The following FHIT variants were observed in gnomAD, a reference collection of about 807,000 sequenced individuals.
FHIT encodes bis(5'-adenosyl)-triphosphatase.
A neutral mutation model predicts 17.9 loss-of-function variants in FHIT; 19 were observed. The observed-to-expected ratio is 1.06, with a 90% CI of 0.74 to 1.56. FHIT has a LOEUF of 1.56. Among genes scored for constraint, FHIT ranks in the 40% most tolerant of loss-of-function variants. FHIT has a pLI of 0.00. For synonymous variants in FHIT, 81 were observed against 69.7 expected (o/e 1.16, Z -0.81); for missense variants, 248 against 189.2 (o/e 1.31, Z -1.82).
intron 7 of FHIT, among the ~76,000 whole-genome samples, chr3:59,942,927 G>T (rs1403094038): frequency 6.6e-6 from 1 of 152,116 alleles, no homozygotes; most frequent in East Asian, 1.9e-4. Flanking sequence ...GGGATTACAA[G>T]CATGACCCAC....
chr3:60,403,040 G>A (rs1701723440), intron 5 of FHIT, among the ~76,000 whole-genome samples: 1 of 152,176 alleles, frequency 6.6e-6, no homozygotes, highest in Non-Finnish European at 1.5e-5. Context: ...CTGGTTCTCT[G>A]CTTTAGCATA....
At chr3:61,233,991 G>A (rs138089145) in intron 1 of FHIT, among the ~76,000 whole-genome samples, 1 of 152,224 alleles carries the variant, frequency 6.6e-6, no homozygotes, top group Non-Finnish European at 1.5e-5. Context: ...GCAGCTGAAA[G>A]CATTTGAAGC....
intron 5 of FHIT, among the ~76,000 whole-genome samples, chr3:60,195,317 A>G (rs1212688008): frequency 1.3e-5 from 2 of 151,982 alleles, no homozygotes; most frequent in African/African-American, 2.4e-5. Context: ...GTGGAAATGA[A>G]ATTAGTACAA....
intron 5 of FHIT, among the ~76,000 whole-genome samples, chr3:60,153,464 C>T (rs1700555977): frequency 1.3e-5 from 2 of 151,786 alleles, no homozygotes; most frequent in Non-Finnish European, 2.9e-5. Flanking sequence ...ACCAAAGTGC[C>T]AGTCATTACA....
intron 3 of FHIT, among the ~76,000 whole-genome samples, chr3:61,012,638 G>C (rs2031859227): frequency 6.6e-6 from 1 of 151,526 alleles, no homozygotes; most frequent in East Asian, 1.9e-4. Flanking sequence ...AAAAAGCCCT[G>C]ACAATCTCAT....
rs185545068 is a variant in FHIT, at chr3:60,161,045, C to A, written c.104-146893G>T. Among the ~76,000 whole-genome samples, 6 of 152,202 alleles carry A rather than the reference C, an allele frequency of 3.9e-5. No homozygotes were observed. The East Asian group carries it at 1.2e-3, about 29-fold the overall frequency. On this transcript the variant is annotated intron_variant, in intron 5 of 9. Transcript: ENST00000492590. ...TTCTTGTAATAGCAAAAAGATATGA[C>A]GGAGTTTCTGGCCACTTAAAATCTG... is the stretch of plus-strand genomic sequence containing the variant.
At chr3:60,031,346 G>C (rs2106786432) in intron 5 of FHIT, among the ~76,000 whole-genome samples, 1 of 152,320 alleles carries the variant, frequency 6.6e-6, no homozygotes, top group Non-Finnish European at 1.5e-5. Context: ...AAAGAGAAAT[G>C]AGGAAACAAG....
At chr3:60,533,274 G>T (rs1463608042) in intron 5 of FHIT, among the ~76,000 whole-genome samples, 1 of 152,184 alleles carries the variant, frequency 6.6e-6, no homozygotes, top group Non-Finnish European at 1.5e-5. Context: ...AACGGGAAAA[G>T]GTGGGATTTC....
intron 3 of FHIT, among the ~76,000 whole-genome samples, chr3:61,028,542 G>T (rs1386218090): frequency 6.6e-6 from 1 of 152,156 alleles, no homozygotes; most frequent in Non-Finnish European, 1.5e-5. Context: ...TAGGAAGAAG[G>T]ATTCTAGAAT....
At chr3:60,531,682 T>G (rs1649798740) in intron 5 of FHIT, among the ~76,000 whole-genome samples, 1 of 152,218 alleles carries the variant, frequency 6.6e-6, no homozygotes, top group Non-Finnish European at 1.5e-5. Context: ...TGACAAATAT[T>G]TCTGATTTTT....
chr3:60,151,426 G>C (rs1002488478), intron 5 of FHIT, among the ~76,000 whole-genome samples: 1 of 152,082 alleles, frequency 6.6e-6, no homozygotes, highest in Non-Finnish European at 1.5e-5. Flanking sequence ...CTCCTAATCA[G>C]TCCAAACTTA....
intron 8 of FHIT, among the ~76,000 whole-genome samples, chr3:59,864,047 G>T (rs1051699404): frequency 3.3e-5 from 5 of 152,154 alleles, no homozygotes; most frequent in South Asian, 4.2e-4. Context: ...TACCATATTT[G>T]TTTCTTTCTG....
intron 2 of FHIT, among the ~76,000 whole-genome samples, chr3:61,107,512 G>T (rs1442345263): frequency 6.6e-6 from 1 of 152,132 alleles, no homozygotes; most frequent in African/African-American, 2.4e-5. Context: ...GGAATCATAT[G>T]GTGGTTCTAA....
rs182519561 is a variant in FHIT at position 60,873,068 on chromosome 3, C to A, written c.-110-51057G>T. On this transcript the variant is annotated intron_variant, in intron 3 of 9. Coordinates refer to ENST00000492590, the MANE Select transcript of FHIT (RefSeq NM_002012.4). ...ATGAAAAAACTTGTAGGGTAGCATGCCAACCAACTTGGGTTTTTTGTCTGT... is the reference window on the plus strand; with the variant it reads ...ATGAAAAAACTTGTAGGGTAGCATGACAACCAACTTGGGTTTTTTGTCTGT... Among the ~76,000 whole-genome samples, 22 of 151,954 alleles carry A rather than the reference C, an allele frequency of 1.4e-4. No individual in the cohort carries two copies. The East Asian group carries it at 4.3e-3, about 30-fold the overall frequency.
chr3:59,858,242 T>A (rs1287336977), intron 8 of FHIT, among the ~76,000 whole-genome samples: 2 of 109,198 alleles, frequency 1.8e-5, no homozygotes, highest in South Asian at 2.9e-4. Context: ...CCTTCTTTTT[T>A]TTTTTTTTTT....
intron 5 of FHIT, among the ~76,000 whole-genome samples, chr3:60,149,417 G>C (rs1024668441): frequency 2.0e-5 from 3 of 151,676 alleles, no homozygotes; most frequent in African/African-American, 7.3e-5. Flanking sequence ...GAGTTGTCTT[G>C]CAAAATTCTA....
At chr3:60,299,391 A>G (rs1052879619) in intron 5 of FHIT, among the ~76,000 whole-genome samples, 9 of 152,134 alleles carry the variant, frequency 5.9e-5, no homozygotes, top group Non-Finnish European at 1.3e-4. Context: ...GGGCAATACA[A>G]CTTCAAAAAT....
rs568009475 is a variant in FHIT, at chr3:60,263,067, G to A, written c.104-248915C>T. The stretch of plus-strand genomic sequence containing the variant: ...TGAGCAAAGTACCCAAAATGACATC[G>A]TACAAAAGAAAACATAATTACAGGA... On this transcript the variant is annotated intron_variant, in intron 5 of 9. Transcript: ENST00000492590. 1.7e-4 allele frequency among the ~76,000 whole-genome samples: 26 copies of A among 151,750 alleles called. No homozygotes were observed. In the South Asian group the frequency reaches 2.1e-3, roughly 12 times the overall value.
intron 4 of FHIT, among the ~76,000 whole-genome samples, chr3:60,718,581 G>C (rs565047366): frequency 6.6e-6 from 1 of 152,194 alleles, no homozygotes; most frequent in Non-Finnish European, 1.5e-5. Flanking sequence ...ATGCGAAAAT[G>C]CCAAATCTGC....
Sources: allele counts gnomAD v4.1 joint callset (sites outside exome capture counted in the v4.1 genomes callset), GRCh38; gene constraint gnomAD v4.1.1; transcripts MANE v1.5; gene names NCBI Gene and HGNC (gene_info 2026-07-23, HGNC 2026-07-21).